The following GOLGA3 variants were observed in gnomAD, a reference collection of about 807,000 sequenced individuals.
The protein encoded by GOLGA3 is golgin A3, also known as golgin subfamily A member 3.
Under a neutral mutation model 169.4 loss-of-function variants are expected in GOLGA3, and 75 were observed. The observed-to-expected ratio is 0.44, with a 90% CI of 0.37 to 0.54. The LOEUF is 0.54. GOLGA3 is among the 20% of genes least tolerant of loss of function. GOLGA3 has a pLI of 0.00. For missense variants in GOLGA3, 1,899 were observed against 1,930.0 expected, an observed-to-expected ratio of 0.98 and a Z score of 0.30; for synonymous variants, 824 against 822.4, an observed-to-expected ratio of 1.00 and a Z score of -0.03.
At chr12:132,818,087 A>ACGCT (rs1950064226) in intron 2 of GOLGA3, among the ~76,000 whole-genome samples, 1 of 139,292 alleles carries the variant, frequency 7.2e-6, no homozygotes, top group African/African-American at 2.7e-5. Context: ...CCACACCTCC[A>ACGCT]CGCTCTAAGG....
chr12:132,826,257 A>C, intron 1 of GOLGA3: 1 of 1,213,920 alleles, frequency 8.2e-7, no homozygotes, highest in Non-Finnish European at 1.1e-6. Flanking sequence ...AAAAAAAAAA[A>C]AGAAACTGGA....
At chr12:132,799,567 C>G (rs1211500481) in intron 8 of GOLGA3, among the ~76,000 whole-genome samples, 1 of 152,172 alleles carries the variant, frequency 6.6e-6, no homozygotes, top group Non-Finnish European at 1.5e-5. Context: ...TTGAGCCCAA[C>G]AGGTCAAGGC....
At chr12:132,818,888 T>C (rs1443709598) in intron 2 of GOLGA3, among the ~76,000 whole-genome samples, 2 of 152,118 alleles carry the variant, frequency 1.3e-5, no homozygotes, top group Non-Finnish European at 2.9e-5. Flanking sequence ...GTGACAATTC[T>C]ATACCCACGT....
intron 13 of GOLGA3, among the ~76,000 whole-genome samples, chr12:132,788,290 C>T (rs908401917): frequency 3.3e-5 from 5 of 152,222 alleles, no homozygotes; most frequent in African/African-American, 9.6e-5. Flanking sequence ...CGGTCCTCTC[C>T]GGCAACTTCA....
At chr12:132,791,437 G>T in intron 11 of GOLGA3, 144 bp from the exon 12 acceptor site, 1 of 580,642 alleles carries the variant, frequency 1.7e-6, no homozygotes, top group South Asian at 2.3e-5. Flanking sequence ...CATCCTCACA[G>T]ATGTTACACT....
intron 8 of GOLGA3, among the ~76,000 whole-genome samples, chr12:132,799,528 T>G (rs1949028240): frequency 1.3e-5 from 2 of 152,200 alleles, no homozygotes; most frequent in South Asian, 4.1e-4. Context: ...ATGTCCCAGC[T>G]ACTTGGGGGG....
rs905762345 is a variant in GOLGA3, at chr12:132,804,543, GGCGGGGACCAGTCGAGGAAGGAGGGAGCA to G, written c.1597+144_1597+172del. 8.0e-5 allele frequency among the ~76,000 whole-genome samples: 12 copies of G among 150,732 alleles called. No individual in the cohort carries two copies. The highest frequency in any genetic ancestry group is 1.6e-4 in the Non-Finnish European group (11 of 67,666). ...AGGACCAGTCAGGGAAGGAGGGCGT[GGCGGGGACCAGTCGAGGAAGGAGGGAGCA>G]GCGGGGACCAGTCGAGGAAGGAGGA... is the stretch of plus-strand genomic sequence containing the variant. On this transcript the variant is annotated intron_variant, in intron 7 of 23. Transcript: ENST00000450791. The surrounding 1 kb of genome is among the most constrained non-coding windows in gnomAD (Gnocchi z 4.1).
chr12:132,786,195 G>T (rs10870512), intron 15 of GOLGA3, 144 bp downstream of exon 15: 23 of 605,994 alleles, frequency 3.8e-5, no homozygotes, highest in Non-Finnish European at 6.4e-5. Flanking sequence ...CTGGTAACCT[G>T]GAAGATGAGC....
chr12:132,774,720 T>C, intron 22 of GOLGA3: 2 of 424,320 alleles, frequency 4.7e-6, no homozygotes, highest in Non-Finnish European at 4.2e-6. Context: ...TTTCCACAGA[T>C]AAGCACACGA....
intron 10 of GOLGA3, 85 bp downstream of exon 10, chr12:132,796,454 G>T: frequency 1.4e-6 from 2 of 1,445,246 alleles, no homozygotes; most frequent in African/African-American, 1.4e-5. Flanking sequence ...CACAGCAGAG[G>T]ACTGCTCGGT....
At chr12:132,780,940 T>C (rs2136301971) in intron 17 of GOLGA3, 26 bp from the exon 18 acceptor site, 1 of 1,549,348 alleles carries the variant, frequency 6.5e-7, no homozygotes, top group Non-Finnish European at 8.9e-7. Flanking sequence ...GGAGGACAGA[T>C]AAGGAAGGAC....
Position 132,776,952 on chromosome 12 carries a change from C to A in GOLGA3, c.3855+6G>T, listed in dbSNP as rs374330159. ...CCCTGCAAGTCCAGCCCCCGTGAAC[C>A]GTCACCTCTTGGTTTCCCACGGGCT... On this transcript the variant is annotated splice_donor_region_variant and intron_variant, in intron 20 of 23. Coordinates refer to ENST00000450791, the MANE Select transcript of GOLGA3 (RefSeq NM_001389683.1). 1.3e-6 allele frequency: 2 copies of A among 1,576,904 alleles called. No homozygotes were observed. Among genetic ancestry groups the A allele is most frequent in the Non-Finnish European group, 8.6e-7 (1 of 1,161,332 alleles).
chr12:132,800,539 G>A (rs1593313461), intron 8 of GOLGA3, among the ~76,000 whole-genome samples: 1 of 152,096 alleles, frequency 6.6e-6, no homozygotes, highest in East Asian at 1.9e-4. Flanking sequence ...GTTCTATTGT[G>A]TATATTTGTA....
chr12:132,788,999 C>T, intron 13 of GOLGA3, 28 bp downstream of exon 13: 1 of 1,278,964 alleles, frequency 7.8e-7, no homozygotes, highest in Non-Finnish European at 1.0e-6. Flanking sequence ...TCCTCCCCAT[C>T]AAATGAGTCA....
chr12:132,785,463 A>G (rs528221591), intron 15 of GOLGA3, among the ~76,000 whole-genome samples: 15 of 152,216 alleles, frequency 9.9e-5, no homozygotes, highest in Admixed American at 7.9e-4. Flanking sequence ...GGCACGTGCT[A>G]CCATGCCTGG....
intron 4 of GOLGA3, among the ~76,000 whole-genome samples, chr12:132,809,500 A>T (rs1186652459): frequency 8.0e-6 from 1 of 125,726 alleles, no homozygotes; most frequent in Non-Finnish European, 1.5e-5. Flanking sequence ...ACCTTTTGCT[A>T]CCGCTGGACC....
chr12:132,796,521 A>G lies in GOLGA3; in HGVS notation c.2100+18T>C. The G allele has an allele frequency of 6.2e-7, 1 of 1,602,228 alleles. No individual in the cohort carries two copies. On this transcript the variant is annotated intron_variant, in intron 10 of 23. Coordinates refer to ENST00000450791, the MANE Select transcript of GOLGA3 (RefSeq NM_001389683.1). Reference sequence around the variant, plus strand: ...CACCTGGGGCCTGGGTCCAGCCTGAAGGGCTGCAGGGACTTACCTGCTCCA... The same window carrying G: ...CACCTGGGGCCTGGGTCCAGCCTGAGGGGCTGCAGGGACTTACCTGCTCCA...
In GOLGA3 at chr12:132,775,133, C is replaced by T. The variant is rs769937060; in HGVS notation, c.4143+8G>A. ...CGGCTACCCCGGGAGGGACGCGGGC[C>T]TGAGTACCGTCTTGGCCGCGCCGCG... On this transcript the variant is annotated splice_region_variant and intron_variant, in intron 22 of 23. Transcript: ENST00000450791. 12 of 1,611,614 alleles carry T rather than the reference C, an allele frequency of 7.4e-6. No homozygotes were observed. Among genetic ancestry groups the T allele is most frequent in the Non-Finnish European group, 1.0e-5 (12 of 1,179,722 alleles).
chr12:132,818,039 A>C (rs113879271), intron 2 of GOLGA3, among the ~76,000 whole-genome samples: 11 of 89,704 alleles, frequency 1.2e-4, no homozygotes, highest in African/African-American at 2.5e-4. Context: ...AGGTGAACCC[A>C]CCCTCCACAC....
Sources: gnomAD v4.1 joint callset for allele counts (sites outside exome capture counted in the v4.1 genomes callset) on GRCh38, gnomAD v4.1.1 for gene constraint, Gnocchi (gnomAD v3.1) non-coding constraint, MANE v1.5 for transcripts, NCBI Gene and HGNC (gene_info 2026-07-23, HGNC 2026-07-21) for gene names.